The following TLL1 variants were observed in gnomAD, a reference collection of about 807,000 sequenced individuals.
The protein encoded by TLL1 is tolloid-like protein 1.
TLL1 carries 49 observed loss-of-function variants against 128.2 expected under a neutral mutation model. The ratio of observed to expected loss-of-function variants is 0.38; its 90% CI spans 0.30 to 0.48. The LOEUF is 0.48. TLL1 is among the 20% of genes least tolerant of loss of function. The pLI is 0.96. For synonymous variants in TLL1, 454 were observed against 418.8 expected (o/e 1.08, Z -1.03); for missense variants, 1,123 against 1,242.0 (o/e 0.90, Z 1.44).
At chr4:165,910,646 A>C (rs1732487741) in intron 1 of TLL1, among the ~76,000 whole-genome samples, 1 of 152,228 alleles carries the variant, frequency 6.6e-6, no homozygotes, top group Non-Finnish European at 1.5e-5. Flanking sequence ...CATGAAAATC[A>C]GTTAACTGAA....
In TLL1 at chr4:166,065,742, T is replaced by C; in HGVS notation, c.2067T>C (p.His689=). 2 of 1,613,212 alleles carry C rather than the reference T, an allele frequency of 1.2e-6. No homozygotes were observed. Among genetic ancestry groups the C allele is most frequent in the Non-Finnish European group, 8.5e-7 (1 of 1,179,404 alleles). The change falls in exon 16 of 21, where the codon CAT becomes CAC. Residue 689 remains histidine, a synonymous_variant. Coordinates refer to ENST00000061240, the MANE Select transcript of TLL1 (RefSeq NM_012464.5). ...WSGLSSESKL[H]GKFCGAEVPE... ...GTCTTTCCTCTGAGTCTAAACTGCA[T>C]GGCAAATTCTGTGGCGCTGAAGTGC...
intron 1 of TLL1, among the ~76,000 whole-genome samples, chr4:165,899,186 A>AT (rs1169972287): frequency 3.3e-5 from 5 of 152,006 alleles, no homozygotes; most frequent in African/African-American, 4.8e-5. Context: ...GGATTCATTG[A>AT]TTTTTTGAAG....
intron 12 of TLL1, among the ~76,000 whole-genome samples, chr4:166,043,629 G>T (rs555623082): frequency 1.3e-5 from 2 of 152,138 alleles, no homozygotes; most frequent in Non-Finnish European, 2.9e-5. Flanking sequence ...AGATTAAAGT[G>T]AGTTTACATT....
chr4:165,939,806 G>A (rs754043084), intron 1 of TLL1, among the ~76,000 whole-genome samples: 2 of 151,988 alleles, frequency 1.3e-5, no homozygotes, highest in Non-Finnish European at 2.9e-5. Flanking sequence ...AGAAAGGTAT[G>A]GAAATGTCTT....
chr4:166,082,145 G>A (rs1741312871), intron 18 of TLL1, among the ~76,000 whole-genome samples: 1 of 152,204 alleles, frequency 6.6e-6, no homozygotes, highest in Non-Finnish European at 1.5e-5. Flanking sequence ...GTGTAAGCCA[G>A]GTTTTTTCAA....
intron 9 of TLL1, among the ~76,000 whole-genome samples, chr4:166,032,102 A>G (rs1469823007): frequency 2.0e-5 from 3 of 152,194 alleles, no homozygotes; most frequent in Admixed American, 6.5e-5. Flanking sequence ...TCTTTTCTCT[A>G]AAATCAAAAT....
At chr4:166,044,406 A>G (rs1459979626) in intron 12 of TLL1, 1 of 1,535,572 alleles carries the variant, frequency 6.5e-7, no homozygotes, top group South Asian at 1.2e-5. Flanking sequence ...GTAAAGCCAG[A>G]GAATCTCTCA....
At chr4:165,898,473 A>G (rs1731795501) in intron 1 of TLL1, among the ~76,000 whole-genome samples, 1 of 152,188 alleles carries the variant, frequency 6.6e-6, no homozygotes, top group Admixed American at 6.5e-5. Flanking sequence ...CCTTCTCTGC[A>G]TCTATTGAGA....
chr4:165,991,881 TG>T (rs1310366865), intron 2 of TLL1, among the ~76,000 whole-genome samples: 1 of 151,970 alleles, frequency 6.6e-6, no homozygotes, highest in Non-Finnish European at 1.5e-5. Flanking sequence ...CATTAGTGGC[TG>T]TATTGGTTGT....
At chr4:166,000,759 A>G (rs1737112252) in intron 5 of TLL1, among the ~76,000 whole-genome samples, 1 of 152,114 alleles carries the variant, frequency 6.6e-6, no homozygotes, top group Non-Finnish European at 1.5e-5. Flanking sequence ...TTAGGCATGT[A>G]ATAATATTCA....
Position 166,039,500 on chromosome 4 carries a change from C to A in TLL1, c.1261+59C>A, listed in dbSNP as rs573204506. On this transcript the variant is annotated intron_variant, in intron 10 of 20. Transcript: ENST00000061240. ...ATCTATTCTGTCCCGTCCAAAAAAA[C>A]CAACCGATTCTCTCAAGAGTCATCG... The A allele has an allele frequency of 1.1e-4, 138 of 1,209,380 alleles. 1 individual carries two copies. In the African/African-American group the frequency reaches 1.8e-3, roughly 16 times the overall value. The allele number at this position is 1,209,380 out of a possible 1,614,324, so 74.9% of individuals were successfully genotyped here. A position where few individuals can be genotyped will look rare whatever the true frequency, so the allele number is the denominator to read the frequency against.
chr4:165,964,795 G>A (rs1363661546), intron 1 of TLL1, among the ~76,000 whole-genome samples: 2 of 152,000 alleles, frequency 1.3e-5, no homozygotes, highest in African/African-American at 4.8e-5. Flanking sequence ...CAATTAGCTG[G>A]GCATGGTGGT....
rs779921094 is a variant in TLL1, at chr4:166,091,327, C to A, written c.2642C>A (p.Ala881Asp). The change falls in exon 19 of 21, where the codon GCT becomes GAT. Residue 881 changes from alanine to aspartate, a missense_variant. Ala to Asp is a moderately radical substitution (Grantham distance 126). Around this residue, in one of 3 missense-constraint regions of TLL1, gnomAD observed 634 missense variants for 672.4 expected, o/e 0.94. Coordinates refer to ENST00000061240, the MANE Select transcript of TLL1 (RefSeq NM_012464.5). The stretch of plus-strand genomic sequence containing the variant: ...TCTGTTCAAAGAAAAGGCTTTCAAG[C>A]TACACATTCTACAGGTCAGCAAATT... ...DASVQRKGFQATHSTECGGRL... is the reference protein window; with the variant it reads ...DASVQRKGFQDTHSTECGGRL... 6.2e-7 allele frequency: 1 copy of A among 1,612,484 alleles called. No homozygotes were observed. Among genetic ancestry groups the A allele is most frequent in the Non-Finnish European group, 8.5e-7 (1 of 1,179,206 alleles).
intron 12 of TLL1, among the ~76,000 whole-genome samples, chr4:166,044,648 T>C (rs1560831993): frequency 6.6e-6 from 1 of 152,188 alleles, no homozygotes; most frequent in Admixed American, 6.5e-5. Flanking sequence ...AATGGACTAA[T>C]AGGTTTGCAA....
intron 1 of TLL1, among the ~76,000 whole-genome samples, chr4:165,894,090 G>T (rs1364291757): frequency 6.6e-6 from 1 of 152,122 alleles, no homozygotes; most frequent in Non-Finnish European, 1.5e-5. Flanking sequence ...AATCAGAGTT[G>T]CTGGAGAGGG....
At chr4:166,070,850 A>T (rs1336403212) in intron 16 of TLL1, among the ~76,000 whole-genome samples, 2 of 152,070 alleles carry the variant, frequency 1.3e-5, no homozygotes, top group South Asian at 4.1e-4. Flanking sequence ...ATTCGACATG[A>T]TATTACTCTA....
intron 1 of TLL1, among the ~76,000 whole-genome samples, chr4:165,880,442 A>G (rs918357501): frequency 2.0e-5 from 3 of 152,194 alleles, no homozygotes; most frequent in Non-Finnish European, 4.4e-5. Context: ...AATGCTATCC[A>G]TTGTATTTTT....
rs537667658 is a variant in TLL1, at chr4:166,103,807, T to G, written c.*2931T>G. On this transcript the variant is annotated 3_prime_UTR_variant, in exon 21 of 21. Coordinates refer to ENST00000061240, the MANE Select transcript of TLL1 (RefSeq NM_012464.5). ...CCTACATCAGTATATTGGTTGTGCT[T>G]TATATTTGCCAAAGTCCTAACTGAC... is the stretch of plus-strand genomic sequence containing the variant. 1 of 150,080 alleles carries G rather than the reference T, an allele frequency of 6.7e-6. No homozygotes were observed. The highest frequency in any genetic ancestry group is 2.1e-4 in the South Asian group (1 of 4,750). The allele number at this position is 150,080 out of a possible 1,614,324, so 9.3% of individuals were successfully genotyped here.
At chr4:166,071,815 CTCA>C (rs1355810604) in intron 16 of TLL1, among the ~76,000 whole-genome samples, 5 of 151,934 alleles carry the variant, frequency 3.3e-5, no homozygotes, top group Non-Finnish European at 1.5e-5. Context: ...GTTGCCATTT[CTCA>C]TCAACATAAG....
Sources: gnomAD v4.1 joint callset for allele counts (sites outside exome capture counted in the v4.1 genomes callset) on GRCh38, gnomAD v4.1.1 for gene constraint, gnomAD v4.1.1 regional missense constraint, MANE v1.5 for transcripts, NCBI Gene and HGNC (gene_info 2026-07-23, HGNC 2026-07-21) for gene names.